Variants in FZD4 observed in about 807,000 individuals in gnomAD.
The protein encoded by FZD4 is frizzled class receptor 4.
A neutral mutation model predicts 37.3 loss-of-function variants in FZD4; 16 were observed. The ratio of observed to expected loss-of-function variants is 0.43; its 90% CI spans 0.29 to 0.65. The LOEUF (loss-of-function observed/expected upper bound fraction) is 0.65. Ranked by LOEUF, FZD4 falls within the 30% of genes least tolerant of loss-of-function variation. FZD4 has a pLI of 0.16. For synonymous variants in FZD4, 246 were observed against 254.8 expected (o/e 0.97, Z 0.33); for missense variants, 599 against 674.3 (o/e 0.89, Z 1.24).
In FZD4 at chr11:86,954,622, A is replaced by G. The variant is rs117822848; in HGVS notation, c.285+179T>C. 0.015 allele frequency: 14,684 copies of G among 985,310 alleles called. 143 individuals are homozygous for G. The highest frequency in any genetic ancestry group is 0.033 in the Admixed American group (539 of 16,278). 61.0% of individuals were successfully genotyped at this position (985,310 alleles called of 1,614,324 possible). A position where few individuals can be genotyped will look rare whatever the true frequency, so the allele number is the denominator to read the frequency against. On this transcript the variant is annotated intron_variant, in intron 1 of 1. Transcript: ENST00000531380. ...AGTGGGTTCTTTCCCAGGCCAGATG[A>G]CTTACACAACGTTTTGGCTTCCAGT...
At position 86,950,820 on chromosome 11, in the gene FZD4, T is replaced by G. The variant is rs1183599804; in HGVS notation, c.*322A>C. 3 of 411,760 alleles carry G rather than the reference T, an allele frequency of 7.3e-6. No individual in the cohort carries two copies. In the East Asian group the frequency reaches 1.5e-4, roughly 21 times the overall value. 25.5% of individuals were successfully genotyped at this position (411,760 alleles called of 1,614,324 possible). A position where few individuals can be genotyped will look rare whatever the true frequency, so the allele number is the denominator to read the frequency against. The stretch of plus-strand genomic sequence containing the variant: ...AATCCCACCCTGCAGGGGAAAACAG[T>G]ATCGCCCTGGACTTCCTGGAATCTA... On this transcript the variant is annotated 3_prime_UTR_variant, in exon 2 of 2. Coordinates refer to ENST00000531380, the MANE Select transcript of FZD4 (RefSeq NM_012193.4).
intron 1 of FZD4, 80 bp downstream of exon 1, chr11:86,954,721 C>G (rs1192294778): frequency 1.3e-6 from 2 of 1,504,668 alleles, no homozygotes; most frequent in Non-Finnish European, 1.8e-6. Context: ...GGATGATCAA[C>G]TTGGCATGGG....
rs1188936589 is a variant in FZD4, at chr11:86,951,262, G to A, written c.1494C>T (p.Ala498=). ...GITSGMWIWS[A]KTLHTWQKCS... ...ACTTCTGCCACGTGTGAAGAGTTTT[G>A]GCAGACCAAATCCACATGCCTGAAG... is the stretch of plus-strand genomic sequence containing the variant. The change falls in exon 2 of 2, where the codon GCC becomes GCT. Residue 498 remains alanine, a synonymous_variant. Coordinates refer to ENST00000531380, the MANE Select transcript of FZD4 (RefSeq NM_012193.4). 6.2e-7 allele frequency: 1 copy of A among 1,613,956 alleles called. No individual in the cohort carries two copies. Among genetic ancestry groups the A allele is most frequent in the African/African-American group, 1.3e-5 (1 of 74,956 alleles).
chr11:86,955,169 C>G lies in FZD4; in HGVS notation c.-84G>C, dbSNP rs967493866. On this transcript the variant is annotated 5_prime_UTR_variant, in exon 1 of 2. Coordinates refer to ENST00000531380, the MANE Select transcript of FZD4 (RefSeq NM_012193.4). ...TTTGCACGGGGGCGCCGGCTGCCCG[C>G]GCTGCTCCCAGCTCCCGGGACGGGA... 3.3e-5 allele frequency: 37 copies of G among 1,110,754 alleles called. No homozygotes were observed. The highest frequency in any genetic ancestry group is 3.7e-5 in the Admixed American group (1 of 26,966). The allele number at this position is 1,110,754 out of a possible 1,614,324, so 68.8% of individuals were successfully genotyped here.
In FZD4 at chr11:86,951,028, T is replaced by C. The variant is rs1949285781; in HGVS notation, c.*114A>G. Reference sequence around the variant, plus strand: ...CAGTGGGTTGACGGGGGTCACTTAATTGTTGCTAGTTTGTTCAAACTGAGA... The same window carrying C: ...CAGTGGGTTGACGGGGGTCACTTAACTGTTGCTAGTTTGTTCAAACTGAGA... On this transcript the variant is annotated 3_prime_UTR_variant, in exon 2 of 2. Coordinates refer to ENST00000531380, the MANE Select transcript of FZD4 (RefSeq NM_012193.4). 2.6e-6 allele frequency: 3 copies of C among 1,143,964 alleles called. No homozygotes were observed. The highest frequency in any genetic ancestry group is 4.7e-5 in the East Asian group (2 of 42,762). The allele number at this position is 1,143,964 out of a possible 1,614,324, so 70.9% of individuals were successfully genotyped here.
Position 86,951,891 on chromosome 11 carries a change from C to G in FZD4, c.865G>C (p.Glu289Gln). 2 of 1,613,746 alleles carry G rather than the reference C, an allele frequency of 1.2e-6. No homozygotes were observed. Among genetic ancestry groups the G allele is most frequent in the South Asian group, 2.2e-5 (2 of 91,084 alleles). The change falls in exon 2 of 2, where the codon GAA (glutamate) becomes CAA (glutamine). Residue 289 changes from glutamate to glutamine, a missense_variant. Glu to Gln is a conservative substitution (Grantham distance 29). This residue lies in a region of FZD4 where 357 missense variants were observed against 396.1 expected (regional missense o/e 0.90). Coordinates refer to ENST00000531380, the MANE Select transcript of FZD4 (RefSeq NM_012193.4). ...AGTCCTTCTTGGATGAGAACAGGTT[C>G]TGCTGCCTCTTCAAAATCACAGGAT... is the stretch of plus-strand genomic sequence containing the variant. The part of the protein sequence containing the change: ...RISCDFEEAA[E>Q]PVLIQEGLKN...
chr11:86,953,613 TTTTC>T (rs1949312347), intron 1 of FZD4, among the ~76,000 whole-genome samples: 1 of 150,646 alleles, frequency 6.6e-6, no homozygotes, highest in Admixed American at 6.6e-5. Flanking sequence ...CACAGATTTC[TTTTC>T]TTTTCTTTTT....
In FZD4 at chr11:86,951,644, T is replaced by C; in HGVS notation, c.1112A>G (p.Asp371Gly). Reference protein sequence around the residue: ...VILIMRLVDADELTGLCYVGN... With the variant: ...VILIMRLVDAGELTGLCYVGN... ...AACATAGCACAAGCCAGTCAGTTCATCTGCATCCACCAGTCTCATAATCAA... is the reference window on the plus strand; with the variant it reads ...AACATAGCACAAGCCAGTCAGTTCACCTGCATCCACCAGTCTCATAATCAA... Residue 371 changes from aspartate to glycine, a missense_variant, in exon 2 of 2, where the codon GAT becomes GGT. Transcript: ENST00000531380. 1.2e-6 allele frequency: 2 copies of C among 1,614,218 alleles called. No individual in the cohort carries two copies. The highest frequency in any genetic ancestry group is 1.7e-6 in the Non-Finnish European group (2 of 1,180,028).
chr11:86,952,194 A>C lies in FZD4; in HGVS notation c.562T>G (p.Ser188Ala), dbSNP rs569564089. 1 of 1,613,428 alleles carries C rather than the reference A, an allele frequency of 6.2e-7. No individual in the cohort carries two copies. Among genetic ancestry groups the C allele is most frequent in the Admixed American group, 1.7e-5 (1 of 59,994 alleles). The change falls in exon 2 of 2, where the codon TCT (serine) becomes GCT (alanine). Residue 188 changes from serine to alanine, a missense_variant. By Grantham distance (99) the Ser-to-Ala change is moderately conservative. Coordinates refer to ENST00000531380, the MANE Select transcript of FZD4 (RefSeq NM_012193.4). ...GEECHSVGTN[S>A]DQYIWVKRSL... ...CTTTTCACCCAGATGTACTGATCAG[A>C]ATTGGTTCCCACAGAGTGACACTCT...
chr11:86,951,642 C>A lies in FZD4; in HGVS notation c.1114G>T (p.Glu372Ter). The A allele has an allele frequency of 6.2e-7, 1 of 1,614,176 alleles. No homozygotes were observed. The highest frequency in any genetic ancestry group is 8.5e-7 in the Non-Finnish European group (1 of 1,180,012). ...CCAACATAGCACAAGCCAGTCAGTT[C>A]ATCTGCATCCACCAGTCTCATAATC... ...ILIMRLVDAD[E>*]LTGLCYVGNQ... Residue 372 changes from glutamate (E) to a stop codon, truncating the protein, a stop_gained, in exon 2 of 2, where the codon GAA becomes TAA. Coordinates refer to ENST00000531380, the MANE Select transcript of FZD4 (RefSeq NM_012193.4). LOFTEE classifies it high-confidence loss of function.
Position 86,951,690 on chromosome 11 carries a change from C to A in FZD4, c.1066G>T (p.Ala356Ser), listed in dbSNP as rs777565148. ...YFHIAAWAIP[A>S]VKTIVILIMR... is the part of the protein sequence containing the mutation. Reference sequence around the variant, plus strand: ...ATCAAGATGACAATGGTTTTCACTGCGGGGATGGCCCAGGCTGCAATGTGG... The same window carrying A: ...ATCAAGATGACAATGGTTTTCACTGAGGGGATGGCCCAGGCTGCAATGTGG... The change falls in exon 2 of 2, where the codon GCA becomes TCA. Residue 356 changes from alanine to serine, a missense_variant. Coordinates refer to ENST00000531380, the MANE Select transcript of FZD4 (RefSeq NM_012193.4). 3 of 1,613,998 alleles carry A rather than the reference C, an allele frequency of 1.9e-6. No homozygotes were observed. Among genetic ancestry groups the A allele is most frequent in the South Asian group, 1.1e-5 (1 of 91,078 alleles).
rs1949326255 is a variant in FZD4 at position 86,955,166 on chromosome 11, C to G, written c.-81G>C. The G allele has an allele frequency of 8.9e-7, 1 of 1,126,098 alleles. No homozygotes were observed. Among genetic ancestry groups the G allele is most frequent in the Non-Finnish European group, 1.2e-6 (1 of 845,646 alleles). The allele number at this position is 1,126,098 out of a possible 1,614,324, so 69.8% of individuals were successfully genotyped here. A position where few individuals can be genotyped will look rare whatever the true frequency, so the allele number is the denominator to read the frequency against. On this transcript the variant is annotated 5_prime_UTR_variant, in exon 1 of 2. Transcript: ENST00000531380. ...CAGTTTGCACGGGGGCGCCGGCTGC[C>G]CGCGCTGCTCCCAGCTCCCGGGACG...
Position 86,945,940 on chromosome 11 carries a change from G to A in FZD4, c.*5202C>T, listed in dbSNP as rs1590939960. 6.5e-6 allele frequency: 1 copy of A among 152,718 alleles called. No homozygotes were observed. The allele number at this position is 152,718 out of a possible 1,614,324, so 9.5% of individuals were successfully genotyped here. A position where few individuals can be genotyped will look rare whatever the true frequency, so the allele number is the denominator to read the frequency against. On this transcript the variant is annotated 3_prime_UTR_variant, in exon 2 of 2. Coordinates refer to ENST00000531380, the MANE Select transcript of FZD4 (RefSeq NM_012193.4). ...GGTTCCTGGAGCTGTGGGGTGGCAT[G>A]AGGACCCAAGAAAGGCCACAGAGCA...
In FZD4 at chr11:86,950,834, T is replaced by C; in HGVS notation, c.*308A>G. The C allele has an allele frequency of 2.2e-6, 1 of 445,984 alleles. No homozygotes were observed. The allele number at this position is 445,984 out of a possible 1,614,324, so 27.6% of individuals were successfully genotyped here. ...GGGGAAAACAGTATCGCCCTGGACT[T>C]CCTGGAATCTAGGCAGGACCTCCAC... On this transcript the variant is annotated 3_prime_UTR_variant, in exon 2 of 2. Transcript: ENST00000531380.
In FZD4 at chr11:86,951,305, G is replaced by T. The variant is rs1273285740; in HGVS notation, c.1451C>A (p.Ser484Tyr). Residue 484 changes from serine (S) to tyrosine (Y), a missense_variant, in exon 2 of 2, where the codon TCT becomes TAT. Coordinates refer to ENST00000531380, the MANE Select transcript of FZD4 (RefSeq NM_012193.4). ...GCCTGAAGTGATGCCCACCAACAAA[G>T]ACATAAAAATTTTCAACATTTCAAC... ...MAVEMLKIFM[S>Y]LLVGITSGMW... The T allele has an allele frequency of 1.2e-6, 2 of 1,614,082 alleles. No individual in the cohort carries two copies. The highest frequency in any genetic ancestry group is 3.3e-5 in the Admixed American group (2 of 60,010).
In FZD4 at chr11:86,952,304, T is replaced by G; in HGVS notation, c.452A>C (p.Gln151Pro). The change falls in exon 2 of 2, where the codon CAG becomes CCG. Residue 151 changes from glutamine (Q) to proline (P), a missense_variant. Physicochemically the swap from Gln to Pro is moderately conservative, Grantham distance 76. Transcript: ENST00000531380. The part of the protein sequence containing the change: ...ESLNCSKFPP[Q>P]NDHNHMCMEG... ...CATGCACATGTGGTTGTGGTCGTTC[T>G]GTGGTGGGAATTTGCTGCAGTTCAG... 2 of 1,614,254 alleles carry G rather than the reference T, an allele frequency of 1.2e-6. No individual in the cohort carries two copies. The highest frequency in any genetic ancestry group is 1.7e-6 in the Non-Finnish European group (2 of 1,180,042).
rs1949325873 is a variant in FZD4, at chr11:86,955,145, T to G, written c.-60A>C. Reference sequence around the variant, plus strand: ...GGCTGCTCTGGCAGACACCCCCAGTTTGCACGGGGGCGCCGGCTGCCCGCG... The same window carrying G: ...GGCTGCTCTGGCAGACACCCCCAGTGTGCACGGGGGCGCCGGCTGCCCGCG... On this transcript the variant is annotated 5_prime_UTR_variant, in exon 1 of 2. Transcript: ENST00000531380. The G allele has an allele frequency of 7.7e-7, 1 of 1,301,736 alleles. No homozygotes were observed. Among genetic ancestry groups the G allele is most frequent in the Non-Finnish European group, 1.0e-6 (1 of 1,001,040 alleles). The allele number at this position is 1,301,736 out of a possible 1,614,324, so 80.6% of individuals were successfully genotyped here.
At position 86,948,892 on chromosome 11, in the gene FZD4, A is replaced by C. The variant is rs1422300486; in HGVS notation, c.*2250T>G. 3 of 152,738 alleles carry C rather than the reference A, an allele frequency of 2.0e-5. No homozygotes were observed. The highest frequency in any genetic ancestry group is 4.4e-5 in the Non-Finnish European group (3 of 68,128). 9.5% of individuals were successfully genotyped at this position (152,738 alleles called of 1,614,324 possible). A position where few individuals can be genotyped will look rare whatever the true frequency, so the allele number is the denominator to read the frequency against. On this transcript the variant is annotated 3_prime_UTR_variant, in exon 2 of 2. Coordinates refer to ENST00000531380, the MANE Select transcript of FZD4 (RefSeq NM_012193.4). The stretch of plus-strand genomic sequence containing the variant: ...TGGTCTTCCTTCCCCTGCCTGGGCC[A>C]GAGTCCCTGCACAACTCCCAAGACA...
Position 86,955,247 on chromosome 11 carries a change from A to G in FZD4, c.-162T>C. 2 of 539,680 alleles carry G rather than the reference A, an allele frequency of 3.7e-6. No homozygotes were observed. Among genetic ancestry groups the G allele is most frequent in the Non-Finnish European group, 3.1e-6 (1 of 322,634 alleles). 33.4% of individuals were successfully genotyped at this position (539,680 alleles called of 1,614,324 possible). A position where few individuals can be genotyped will look rare whatever the true frequency, so the allele number is the denominator to read the frequency against. ...GCCGGCTCTCCAGCAGCTGCGCGCG[A>G]CTGTGTGGGATTTTAGACGTCCCGG... On this transcript the variant is annotated 5_prime_UTR_variant, in exon 1 of 2. Coordinates refer to ENST00000531380, the MANE Select transcript of FZD4 (RefSeq NM_012193.4).
Sources: gnomAD v4.1 joint callset for allele counts (sites outside exome capture counted in the v4.1 genomes callset) on GRCh38, gnomAD v4.1.1 for gene constraint, gnomAD v4.1.1 regional missense constraint, MANE v1.5 for transcripts, NCBI Gene and HGNC (gene_info 2026-07-23, HGNC 2026-07-21) for gene names.